The following PHLPP1 variants were observed in gnomAD, a reference collection of about 807,000 sequenced individuals.
PHLPP1 encodes the protein PH domain and leucine rich repeat protein phosphatase 1, also known as PH domain leucine-rich repeat-containing protein phosphatase 1.
PHLPP1 carries 42 observed loss-of-function variants against 117.2 expected under a neutral mutation model. The observed-to-expected ratio is 0.36, with a 90% CI of 0.28 to 0.46. The LOEUF (loss-of-function observed/expected upper bound fraction) is 0.46, where lower values mean the gene tolerates loss of function less well. PHLPP1 is among the 20% of genes least tolerant of loss of function. The pLI is 1.00. For synonymous variants in PHLPP1, 1,042 were observed against 970.7 expected (o/e 1.07, Z -1.37); for missense variants, 2,084 against 2,241.9 (o/e 0.93, Z 1.42).
intron 4 of PHLPP1, among the ~76,000 whole-genome samples, chr18:62,869,241 T>C (rs555405582): frequency 3.9e-5 from 6 of 152,286 alleles, no homozygotes; most frequent in Non-Finnish European, 7.3e-5. Flanking sequence ...ATGCCTGATG[T>C]CTTTGAATCA....
At chr18:62,876,364 C>G (rs1310364296) in intron 4 of PHLPP1, among the ~76,000 whole-genome samples, 1 of 152,216 alleles carries the variant, frequency 6.6e-6, no homozygotes, top group Non-Finnish European at 1.5e-5. Context: ...CTACCCCACC[C>G]TTCAAAGTGT....
rs1384617071 is a variant in PHLPP1 at position 62,837,725 on chromosome 18, A to T, written c.1774-1059A>T. On this transcript the variant is annotated intron_variant, in intron 2 of 16. Coordinates refer to ENST00000262719, the MANE Select transcript of PHLPP1 (RefSeq NM_194449.4). ...AGTCTTGCTCTGTCACCCAGGCTGG[A>T]TCTCAGCTCACTGCAACCTCTGCCT... The T allele has an allele frequency of 5.4e-5, 8 of 147,024 alleles. 1 individual carries two copies. Among genetic ancestry groups the T allele is most frequent in the African/African-American group, 2.0e-4 (8 of 39,550 alleles). 9.1% of individuals were successfully genotyped at this position (147,024 alleles called of 1,614,324 possible).
Position 62,888,287 on chromosome 18 carries a change from A to ATGTGTG in PHLPP1, c.2067-6682_2067-6677dup, listed in dbSNP as rs200659921. Among the ~76,000 whole-genome samples the ATGTGTG allele has an allele frequency of 8.6e-3, 1,130 of 130,886 alleles. 6 individuals carry two copies. The highest frequency in any genetic ancestry group is 0.015 in the Admixed American group (200 of 12,910). The allele number at this position is 130,886 out of a possible 152,430, so 85.9% of individuals were successfully genotyped here. Reference sequence around the variant, plus strand: ...AGAATTATTTAAAATATTTCACAAAATGTGTGTGTGTGTGTGTGTGTGTGT... The same window carrying ATGTGTG: ...AGAATTATTTAAAATATTTCACAAAATGTGTGTGTGTGTGTGTGTGTGTGTGTGTGT... On this transcript the variant is annotated intron_variant, in intron 4 of 16. Transcript: ENST00000262719.
intron 3 of PHLPP1, among the ~76,000 whole-genome samples, chr18:62,850,258 G>T (rs557519872): frequency 4.6e-5 from 7 of 151,282 alleles, no homozygotes; most frequent in Admixed American, 1.3e-4. Context: ...TGTGGTGGCA[G>T]GCACCTGTAA....
chr18:62,853,110 AT>A (rs1915401293), intron 3 of PHLPP1, among the ~76,000 whole-genome samples: 1 of 152,152 alleles, frequency 6.6e-6, no homozygotes, highest in African/African-American at 2.4e-5. Context: ...TCATCTGAAA[AT>A]TTTGTTGTTC....
chr18:62,957,148 A>G (rs1462404793), intron 12 of PHLPP1, among the ~76,000 whole-genome samples: 36 of 152,140 alleles, frequency 2.4e-4, no homozygotes, highest in Non-Finnish European at 1.9e-4. Context: ...TATACTATAT[A>G]TATTCTGCAT....
At chr18:62,902,496 C>T (rs1278599057) in intron 6 of PHLPP1, among the ~76,000 whole-genome samples, 1 of 152,218 alleles carries the variant, frequency 6.6e-6, no homozygotes, top group Non-Finnish European at 1.5e-5. Context: ...CCATGCTACT[C>T]ATCCGCCTGT....
At chr18:62,942,396 C>T (rs60760848) in intron 11 of PHLPP1, among the ~76,000 whole-genome samples, 5,276 of 151,942 alleles carry the variant, frequency 0.035, 307 homozygotes, top group African/African-American at 0.12. Context: ...AAAACATTAA[C>T]CTAATAGGGT....
intron 4 of PHLPP1, among the ~76,000 whole-genome samples, chr18:62,869,413 A>G (rs941327946): frequency 6.6e-6 from 1 of 152,248 alleles, no homozygotes; most frequent in Non-Finnish European, 1.5e-5. Flanking sequence ...ATGGATTTCC[A>G]CAAAGTGAAC....
At chr18:62,834,438 G>C (rs540416725) in intron 2 of PHLPP1, among the ~76,000 whole-genome samples, 43 of 152,274 alleles carry the variant, frequency 2.8e-4, no homozygotes, top group African/African-American at 9.9e-4. Flanking sequence ...CAAAGTATTA[G>C]AGAGTTCTGC....
In PHLPP1 at chr18:62,766,079, ATATATAT is replaced by A. The variant is rs1568109444; in HGVS notation, c.1576+48821_1576+48827del. 1.3e-3 allele frequency among the ~76,000 whole-genome samples: 51 copies of A among 38,358 alleles called. 8 individuals carry two copies. The highest frequency in any genetic ancestry group is 4.7e-3 in the East Asian group (5 of 1,054). The allele number at this position is 38,358 out of a possible 152,430, so 25.2% of individuals were successfully genotyped here. A position where few individuals can be genotyped will look rare whatever the true frequency, so the allele number is the denominator to read the frequency against. On this transcript the variant is annotated intron_variant, in intron 1 of 16. Transcript: ENST00000262719. ...CCATCTCAAAAAAAAAAAAAAAAATATATATATATATATATATATATATAAAATATAT... is the reference window on the plus strand; with the variant it reads ...CCATCTCAAAAAAAAAAAAAAAAATAATATATATATATATATAAAATATAT...
chr18:62,766,533 C>A (rs1912539254), intron 1 of PHLPP1, among the ~76,000 whole-genome samples: 1 of 152,052 alleles, frequency 6.6e-6, no homozygotes, highest in East Asian at 1.9e-4. Context: ...TCAGGGAGGC[C>A]TCTGCCTGGT....
At position 62,836,486 on chromosome 18, in the gene PHLPP1, AAAAT is replaced by A. The variant is rs1423018426; in HGVS notation, c.1774-2293_1774-2290del. On this transcript the variant is annotated intron_variant, in intron 2 of 16. Transcript: ENST00000262719. ...AAATAAATAAATAAATAAATAAATA[AAAAT>A]AAATTACTGGATTTTGATGCAACAT... Among the ~76,000 whole-genome samples, 6 of 117,206 alleles carry A rather than the reference AAAAT, an allele frequency of 5.1e-5. No individual in the cohort carries two copies. The East Asian group carries it at 2.1e-3, about 42-fold the overall frequency. 76.9% of individuals were successfully genotyped at this position (117,206 alleles called of 152,430 possible).
At chr18:62,721,931 T>C (rs1910931563) in intron 1 of PHLPP1, among the ~76,000 whole-genome samples, 1 of 152,230 alleles carries the variant, frequency 6.6e-6, no homozygotes, top group Non-Finnish European at 1.5e-5. Context: ...TCACTGACAT[T>C]GTATGTGATC....
At chr18:62,888,851 T>C (rs1916347566) in intron 4 of PHLPP1, among the ~76,000 whole-genome samples, 2 of 152,266 alleles carry the variant, frequency 1.3e-5, no homozygotes, top group Admixed American at 6.5e-5. Flanking sequence ...TCTTTTTAAA[T>C]GAAGGTAAAG....
chr18:62,902,699 A>G (rs910588893), intron 6 of PHLPP1, among the ~76,000 whole-genome samples: 1 of 152,146 alleles, frequency 6.6e-6, no homozygotes, highest in Admixed American at 6.6e-5. Context: ...AATTAAGGTA[A>G]AGTCAATGTG....
intron 1 of PHLPP1, among the ~76,000 whole-genome samples, chr18:62,733,707 G>A (rs1599017870): frequency 1.3e-5 from 2 of 152,296 alleles, no homozygotes; most frequent in East Asian, 3.9e-4. Context: ...TGTTCTAATG[G>A]AGACATAGTA....
At chr18:62,913,644 T>G (rs1917017625) in intron 8 of PHLPP1, among the ~76,000 whole-genome samples, 1 of 152,006 alleles carries the variant, frequency 6.6e-6, no homozygotes, top group South Asian at 2.1e-4. Flanking sequence ...AGCTAACCAG[T>G]GTGACTAGGG....
At position 62,716,422 on chromosome 18, in the gene PHLPP1, G is replaced by A. The variant is rs1274615096; in HGVS notation, c.739G>A (p.Val247Met). The A allele has an allele frequency of 3.5e-6, 5 of 1,432,746 alleles. No individual in the cohort carries two copies. The African/African-American group carries it at 7.4e-5, about 21-fold the overall frequency. 88.8% of individuals were successfully genotyped at this position (1,432,746 alleles called of 1,614,324 possible). The change falls in exon 1 of 17, where the codon GTG (valine) becomes ATG (methionine). Residue 247 changes from valine to methionine, a missense_variant. Around this residue, in one of 2 missense-constraint regions of PHLPP1, gnomAD observed 719 missense variants for 636.0 expected, o/e 1.13. Transcript: ENST00000262719. The surrounding 1 kb of genome is among the most constrained non-coding windows in gnomAD (Gnocchi z 5.7). ...LGHKGGGVVK[V>M]LGQGPGAAAA... ...CCACAAAGGCGGCGGCGTGGTGAAGGTGCTGGGCCAGGGGCCCGGAGCCGC... is the reference window on the plus strand; with the variant it reads ...CCACAAAGGCGGCGGCGTGGTGAAGATGCTGGGCCAGGGGCCCGGAGCCGC...
Sources: gnomAD v4.1 joint callset for allele counts (sites outside exome capture counted in the v4.1 genomes callset) on GRCh38, gnomAD v4.1.1 for gene constraint, gnomAD v4.1.1 regional missense constraint, Gnocchi (gnomAD v3.1) non-coding constraint, MANE v1.5 for transcripts, NCBI Gene and HGNC (gene_info 2026-07-23, HGNC 2026-07-21) for gene names.